NCALD: variants seen among roughly 807,000 people sequenced by gnomAD.
The protein encoded by NCALD is neurocalcin delta.
NCALD carries 10 observed loss-of-function variants against 18.6 expected under a neutral mutation model. The ratio of observed to expected loss-of-function variants is 0.54; its 90% CI spans 0.33 to 0.91. The LOEUF is 0.91. Ranked by LOEUF, NCALD falls within the 40% of genes least tolerant of loss-of-function variation. The probability of loss-of-function intolerance (pLI) is 0.03; values close to 1 mark genes in which losing one functional copy is unlikely to be tolerated. For missense variants in NCALD, 184 were observed against 247.6 expected (o/e 0.74, Z 1.72); for synonymous variants, 88 against 87.4 (o/e 1.01, Z -0.04).
At chr8:101,863,606 A>G (rs1299981094) in intron 4 of NCALD, among the ~76,000 whole-genome samples, 1 of 152,218 alleles carries the variant, frequency 6.6e-6, no homozygotes, top group Non-Finnish European at 1.5e-5. Flanking sequence ...GTGGGAGGGC[A>G]GGTCTCCATT....
intron 1 of NCALD, among the ~76,000 whole-genome samples, chr8:102,117,232 C>T (rs1587119216): frequency 6.6e-6 from 1 of 152,322 alleles, no homozygotes; most frequent in East Asian, 1.9e-4. Context: ...CTTACAGCCC[C>T]ATCTCTCACC....
chr8:102,087,614 C>T (rs574024712), intron 1 of NCALD, among the ~76,000 whole-genome samples: 9 of 152,280 alleles, frequency 5.9e-5, no homozygotes, highest in East Asian at 1.9e-4. Flanking sequence ...AAGTTGCTTT[C>T]GACCAAGACC....
intron 4 of NCALD, among the ~76,000 whole-genome samples, chr8:101,849,098 A>T (rs1814990438): frequency 2.0e-5 from 3 of 152,206 alleles, no homozygotes; most frequent in Admixed American, 1.3e-4. Context: ...TAGCAAACGA[A>T]TGCAGGAACA....
At chr8:101,924,556 G>A (rs79653307) in intron 2 of NCALD, among the ~76,000 whole-genome samples, 6,962 of 152,232 alleles carry the variant, frequency 0.046, 427 homozygotes, top group African/African-American at 0.13. Flanking sequence ...TAACTAAACT[G>A]GAAACAGATC....
At chr8:102,003,646 T>C (rs1257271515) in intron 2 of NCALD, among the ~76,000 whole-genome samples, 1 of 152,172 alleles carries the variant, frequency 6.6e-6, no homozygotes, top group Non-Finnish European at 1.5e-5. Flanking sequence ...ACTGGCAAAC[T>C]GAATCTAGCA....
At chr8:102,053,883 T>C (rs1252510672) in intron 1 of NCALD, among the ~76,000 whole-genome samples, 1 of 152,220 alleles carries the variant, frequency 6.6e-6, no homozygotes. Context: ...CACATATAAA[T>C]CGAATGCTCT....
chr8:101,951,876 C>A (rs1337117120), intron 2 of NCALD, among the ~76,000 whole-genome samples: 1 of 152,192 alleles, frequency 6.6e-6, no homozygotes, highest in African/African-American at 2.4e-5. Flanking sequence ...GTGGCCAGCA[C>A]CCTCCATGCT....
intron 4 of NCALD, among the ~76,000 whole-genome samples, chr8:101,870,074 C>G (rs1311337353): frequency 6.6e-6 from 1 of 152,126 alleles, no homozygotes; most frequent in Non-Finnish European, 1.5e-5. Context: ...ACAGAAAATA[C>G]ACTAGTTCAT....
At position 102,082,228 on chromosome 8, in the gene NCALD, T is replaced by C. The variant is rs538595957; in HGVS notation, c.-210+42009A>G. Among the ~76,000 whole-genome samples the C allele has an allele frequency of 5.0e-3, 629 of 127,006 alleles. 1 individual carries two copies. Among genetic ancestry groups the C allele is most frequent in the Middle Eastern group, 0.023 (6 of 258 alleles). 83.3% of individuals were successfully genotyped at this position (127,006 alleles called of 152,430 possible). A position where few individuals can be genotyped will look rare whatever the true frequency, so the allele number is the denominator to read the frequency against. ...GGCAGTTATTTGAGAAGCTCTCTCT[T>C]TTTTTTTTTTTTTTTTTTTTTTGAG... is the stretch of plus-strand genomic sequence containing the variant. On this transcript the variant is annotated intron_variant, in intron 1 of 6. Transcript: ENST00000311028.
intron 1 of NCALD, among the ~76,000 whole-genome samples, chr8:102,094,110 A>G (rs1020996889): frequency 1.3e-5 from 2 of 152,216 alleles, no homozygotes; most frequent in South Asian, 2.1e-4. Context: ...AAAATTATCA[A>G]TCACACTCTA....
At chr8:102,122,834 A>G (rs1191614523) in intron 1 of NCALD, among the ~76,000 whole-genome samples, 1 of 152,216 alleles carries the variant, frequency 6.6e-6, no homozygotes, top group Non-Finnish European at 1.5e-5. Flanking sequence ...CTCTCCTAAT[A>G]CAGTTACAGA....
At chr8:102,076,550 C>T (rs1563596493) in intron 1 of NCALD, among the ~76,000 whole-genome samples, 1 of 145,614 alleles carries the variant, frequency 6.9e-6, no homozygotes, top group Non-Finnish European at 1.5e-5. Flanking sequence ...CTATTTTCCA[C>T]AGTTTATATG....
chr8:101,882,526 T>A (rs755799234), intron 4 of NCALD, among the ~76,000 whole-genome samples: 8 of 152,188 alleles, frequency 5.3e-5, no homozygotes, highest in Non-Finnish European at 1.2e-4. Context: ...ATTTCTGTTG[T>A]TTATAAGCCA....
chr8:101,692,367 G>T (rs567453009), intron 3 of NCALD: 2 of 985,304 alleles, frequency 2.0e-6, no homozygotes, highest in Non-Finnish European at 2.4e-6. Context: ...AACCCCTTTG[G>T]CAGGCTGGAG....
At chr8:102,024,116 G>A (rs190609628) in intron 1 of NCALD, among the ~76,000 whole-genome samples, 75 of 152,212 alleles carry the variant, frequency 4.9e-4, no homozygotes, top group Admixed American at 9.8e-4. Context: ...TATTTCATGC[G>A]TAACTGAATG....
chr8:101,936,728 A>G (rs1007398379), intron 2 of NCALD, among the ~76,000 whole-genome samples: 4 of 152,110 alleles, frequency 2.6e-5, no homozygotes, highest in African/African-American at 9.7e-5. Context: ...GTGCTCTGGG[A>G]GATTCTAATA....
In NCALD at chr8:101,775,027, C is replaced by T. The variant is rs931729792; in HGVS notation, c.-20+15835G>A. Among the ~76,000 whole-genome samples, 4 of 152,280 alleles carry T rather than the reference C, an allele frequency of 2.6e-5. No individual in the cohort carries two copies. In the South Asian group the frequency reaches 8.3e-4, roughly 32 times the overall value. On this transcript the variant is annotated intron_variant, in intron 1 of 3. Coordinates refer to ENST00000220931, the MANE Select transcript of NCALD (RefSeq NM_032041.3). ...TTAGTCCCATCCTTAGGTTGCTCCT[C>T]ACAAATAGGAAACTTGCTCAGGGTT...
At chr8:102,089,185 G>A (rs1302247451) in intron 1 of NCALD, among the ~76,000 whole-genome samples, 2 of 152,130 alleles carry the variant, frequency 1.3e-5, no homozygotes, top group Admixed American at 1.3e-4. Context: ...ACAAGGTCAG[G>A]AGATGGAGAC....
intron 2 of NCALD, among the ~76,000 whole-genome samples, chr8:101,940,460 T>A (rs1371456055): frequency 6.6e-6 from 1 of 152,194 alleles, no homozygotes; most frequent in African/African-American, 2.4e-5. Flanking sequence ...CATGTCCCCA[T>A]CAACTGATGA....
Sources: allele counts gnomAD v4.1 joint callset (sites outside exome capture counted in the v4.1 genomes callset), GRCh38; gene constraint gnomAD v4.1.1; transcripts MANE v1.5; gene names NCBI Gene and HGNC (gene_info 2026-07-23, HGNC 2026-07-21).